Variants in PRR16 observed in about 807,000 individuals in gnomAD.
PRR16 encodes the protein proline rich 16, also known as protein Largen.
A neutral mutation model predicts 18.2 loss-of-function variants in PRR16; 6 were observed. The observed-to-expected ratio is 0.33, with a 90% confidence interval of 0.18 to 0.65. PRR16 has a LOEUF of 0.65. Ranked by LOEUF, PRR16 falls within the 30% of genes least tolerant of loss-of-function variation. The pLI is 0.74. For synonymous variants in PRR16, 151 were observed against 147.8 expected (o/e 1.02, Z -0.16); for missense variants, 412 against 376.6 (o/e 1.09, Z -0.78).
chr5:120,707,273 A>G, the PRR16 span, among the ~76,000 whole-genome samples: 37 of 152,308 alleles, frequency 2.4e-4, no homozygotes, highest in African/African-American at 5.1e-4. Flanking sequence ...TCTCCCAGCT[A>G]TTACATGATG....
chr5:120,467,152 C>T (rs991525715), intron 1 of PRR16, among the ~76,000 whole-genome samples: 5 of 152,034 alleles, frequency 3.3e-5, no homozygotes, highest in African/African-American at 1.2e-4. Flanking sequence ...CATTACAAAG[C>T]TTGTTGGTTG....
intron 1 of PRR16, among the ~76,000 whole-genome samples, chr5:120,491,758 G>T (rs1432332291): frequency 6.6e-6 from 1 of 152,104 alleles, no homozygotes; most frequent in Non-Finnish European, 1.5e-5. Context: ...TAGCCAGGGT[G>T]GTCTTGAACT....
intron 1 of PRR16, among the ~76,000 whole-genome samples, chr5:120,641,781 A>G (rs1031726645): frequency 6.6e-6 from 1 of 152,064 alleles, no homozygotes; most frequent in Admixed American, 6.6e-5. Flanking sequence ...GTCTGCAGAG[A>G]GCGTTAACTG....
intron 1 of PRR16, among the ~76,000 whole-genome samples, chr5:120,605,793 C>A (rs1356454783): frequency 1.3e-5 from 2 of 152,158 alleles, no homozygotes; most frequent in Non-Finnish European, 2.9e-5. Context: ...CTCAGCTCAG[C>A]ACTCCTGGGC....
At chr5:120,770,771 A>G in the PRR16 span, among the ~76,000 whole-genome samples, 1 of 152,030 alleles carries the variant, frequency 6.6e-6, no homozygotes, top group Non-Finnish European at 1.5e-5. Flanking sequence ...CACTGTTTTC[A>G]CTGACTAGCT....
intron 1 of PRR16, among the ~76,000 whole-genome samples, chr5:120,523,869 A>G (rs1350364967): frequency 6.6e-6 from 1 of 152,188 alleles, no homozygotes; most frequent in Non-Finnish European, 1.5e-5. Context: ...AAAGTGGGGC[A>G]AAGAAGAAAT....
intron 1 of PRR16, among the ~76,000 whole-genome samples, chr5:120,549,510 A>G (rs1405425550): frequency 1.3e-5 from 2 of 151,964 alleles, no homozygotes; most frequent in East Asian, 3.9e-4. Context: ...AAAATCTCAG[A>G]CTGGGTTGTA....
At chr5:120,509,843 G>C (rs996713074) in intron 1 of PRR16, among the ~76,000 whole-genome samples, 1 of 152,044 alleles carries the variant, frequency 6.6e-6, no homozygotes, top group Admixed American at 6.6e-5. Context: ...TTGGAATTTT[G>C]TGTCAGCATT....
intron 1 of PRR16, among the ~76,000 whole-genome samples, chr5:120,608,284 G>C (rs980069124): frequency 6.6e-6 from 1 of 152,134 alleles, no homozygotes; most frequent in Non-Finnish European, 1.5e-5. Context: ...AATGAGCCTA[G>C]TCTTGAAGTA....
chr5:120,730,840 G>C, the PRR16 span, among the ~76,000 whole-genome samples: 2 of 152,220 alleles, frequency 1.3e-5, no homozygotes, highest in Non-Finnish European at 2.9e-5. Flanking sequence ...GATCTTTCTA[G>C]CACTACCACA....
the PRR16 span, chr5:120,710,814 G>A: frequency 6.6e-6 from 1 of 152,130 alleles, no homozygotes; most frequent in Non-Finnish European, 1.5e-5. Flanking sequence ...AACCTCAGTG[G>A]GTGTAATACT....
chr5:120,717,421 TAAAG>T, the PRR16 span, among the ~76,000 whole-genome samples: 7 of 152,180 alleles, frequency 4.6e-5, no homozygotes, highest in African/African-American at 1.7e-4. Context: ...TGAAACCGTC[TAAAG>T]AAACTCATGA....
the PRR16 span, among the ~76,000 whole-genome samples, chr5:120,738,689 G>C: frequency 6.6e-6 from 1 of 152,112 alleles, no homozygotes; most frequent in Non-Finnish European, 1.5e-5. Context: ...TTCAAAATTT[G>C]GCCTATTATC....
At chr5:120,680,342 A>G (rs1188733712) in intron 1 of PRR16, among the ~76,000 whole-genome samples, 2 of 152,116 alleles carry the variant, frequency 1.3e-5, no homozygotes, top group Non-Finnish European at 2.9e-5. Context: ...TTATTTCTTA[A>G]AATATTCAAC....
intron 1 of PRR16, among the ~76,000 whole-genome samples, chr5:120,573,137 A>C (rs1752959692): frequency 1.3e-5 from 2 of 152,202 alleles, no homozygotes. Context: ...GGGCATTTGC[A>C]TCAGATTAAG....
At chr5:120,540,990 A>G (rs1465530431) in intron 1 of PRR16, among the ~76,000 whole-genome samples, 2 of 152,234 alleles carry the variant, frequency 1.3e-5, no homozygotes, top group Non-Finnish European at 2.9e-5. Flanking sequence ...ATATGCAACA[A>G]ATGCATTTAG....
intron 1 of PRR16, among the ~76,000 whole-genome samples, chr5:120,654,783 C>A (rs547462985): frequency 2.0e-5 from 3 of 151,434 alleles, no homozygotes; most frequent in Non-Finnish European, 3.0e-5. Flanking sequence ...TTTAAAACTT[C>A]AGTAAAAGAG....
intron 1 of PRR16, among the ~76,000 whole-genome samples, chr5:120,619,753 T>C (rs1219568491): frequency 1.3e-5 from 2 of 152,102 alleles, no homozygotes; most frequent in Admixed American, 6.6e-5. Context: ...TCTAAACTAA[T>C]CTAATCAATT....
intron 1 of PRR16, among the ~76,000 whole-genome samples, chr5:120,666,565 T>C (rs929696712): frequency 1.3e-5 from 2 of 152,092 alleles, no homozygotes; most frequent in Admixed American, 1.3e-4. Flanking sequence ...TTCCAGTTTT[T>C]GCCCATTCAG....
Sources: gnomAD v4.1 joint callset for allele counts (sites outside exome capture counted in the v4.1 genomes callset) on GRCh38, gnomAD v4.1.1 for gene constraint, MANE v1.5 for transcripts, NCBI Gene and HGNC (gene_info 2026-07-23, HGNC 2026-07-21) for gene names.